Variants in APC observed in about 807,000 individuals in gnomAD.
APC encodes the protein APC regulator of Wnt signaling pathway, also known as adenomatous polyposis coli protein.
Under a neutral mutation model 247.0 loss-of-function variants are expected in APC, and 72 were observed. The ratio of observed to expected loss-of-function variants is 0.29; its 90% CI spans 0.24 to 0.35. The LOEUF is 0.35. Among genes scored for constraint, APC ranks in the 10% least tolerant of loss-of-function variants. APC has a pLI of 1.00. For synonymous variants in APC, 1,254 were observed against 1,162.5 expected, an observed-to-expected ratio of 1.08 and a Z score of -1.60; for missense variants, 3,400 against 3,360.7, an observed-to-expected ratio of 1.01 and a Z score of -0.29.
At position 112,840,578 on chromosome 5, in the gene APC, A is replaced by G. The variant is rs1434584091; in HGVS notation, c.4984A>G (p.Ile1662Val). 2 of 1,614,024 alleles carry G rather than the reference A, an allele frequency of 1.2e-6. No homozygotes were observed. Among genetic ancestry groups the G allele is most frequent in the Admixed American group, 3.3e-5 (2 of 59,986 alleles). Reference protein sequence around the residue: ...STATSLSDLTIESPPNELAAG... With the variant: ...STATSLSDLTVESPPNELAAG... ...AGCTACATCTCTAAGTGATCTAACA[A>G]TCGAATCCCCTCCAAATGAGTTAGC... Residue 1662 changes from isoleucine (I) to valine (V), a missense_variant, in exon 16 of 16, where the codon ATC (isoleucine) becomes GTC (valine). Around this residue, in one of 9 missense-constraint regions of APC, gnomAD observed 1,788 missense variants for 1,649.5 expected, o/e 1.08. Transcript: ENST00000257430. The surrounding 1 kb of genome is among the most constrained non-coding windows in gnomAD (Gnocchi z 4.1).
At chr5:112,727,351 A>C (rs370011229) in intron 1 of APC, among the ~76,000 whole-genome samples, 8 of 152,206 alleles carry the variant, frequency 5.3e-5, no homozygotes, top group African/African-American at 1.9e-4. Flanking sequence ...GCATTAGGCA[A>C]TGCCATCTGC....
chr5:112,810,941 C>G (rs563132303), intron 8 of APC, among the ~76,000 whole-genome samples: 3 of 152,280 alleles, frequency 2.0e-5, no homozygotes, highest in African/African-American at 7.2e-5. Flanking sequence ...AGGAGAATCA[C>G]TTGAACCTGG....
intron 11 of APC, among the ~76,000 whole-genome samples, chr5:112,826,600 AAC>A (rs199778283): frequency 0.076 from 9,640 of 127,230 alleles, 567 homozygotes; most frequent in African/African-American, 0.19. Flanking sequence ...AAAAAAAAAA[AAC>A]AAAACTTTTT....
chr5:112,819,187 A>G lies in APC; in HGVS notation c.1155A>G (p.Ala385=). 6.8e-6 allele frequency: 11 copies of G among 1,614,022 alleles called. No individual in the cohort carries two copies. The highest frequency in any genetic ancestry group is 1.1e-5 in the South Asian group (1 of 91,084). Residue 385 remains alanine, a synonymous_variant, in exon 10 of 16, where the codon GCA becomes GCG. Coordinates refer to ENST00000257430, the MANE Select transcript of APC (RefSeq NM_000038.6). ...AAGAGGCTCGGGCCAGGGCCAGTGC[A>G]GCACTCCACAACATCATTCACTCAC... is the stretch of plus-strand genomic sequence containing the variant. The part of the protein sequence containing the change: ...GSKEARARAS[A]ALHNIIHSQP...
chr5:112,746,503 A>G (rs143846939), intron 1 of APC, among the ~76,000 whole-genome samples: 2 of 152,332 alleles, frequency 1.3e-5, no homozygotes, highest in East Asian at 1.9e-4. Context: ...TCGTAAAAGC[A>G]TAAAACATGA....
chr5:112,752,070 T>G (rs375158847), intron 1 of APC, among the ~76,000 whole-genome samples: 34 of 152,248 alleles, frequency 2.2e-4, no homozygotes, highest in African/African-American at 6.7e-4. Context: ...TCATCTCTTT[T>G]GGGATCAGTT....
At position 112,839,795 on chromosome 5, in the gene APC, A is replaced by G. The variant is rs1554085612; in HGVS notation, c.4201A>G (p.Ile1401Val). 15 of 1,614,102 alleles carry G rather than the reference A, an allele frequency of 9.3e-6. No homozygotes were observed. Among genetic ancestry groups the G allele is most frequent in the Non-Finnish European group, 1.3e-5 (15 of 1,180,012 alleles). The change falls in exon 16 of 16, where the codon ATT becomes GTT. Residue 1401 changes from isoleucine to valine, a missense_variant. Physicochemically the swap from Ile to Val is conservative, Grantham distance 29 (BLOSUM62 3). Transcript: ENST00000257430. This position sits in a 1 kb window ranked among gnomAD's most constrained non-coding sequence, Gnocchi z 5.0. ...SSLDSFESRS[I>V]ASSVQSEPCS... ...ACTTGATAGTTTTGAGAGTCGTTCG[A>G]TTGCCAGCTCCGTTCAGAGTGAACC...
At chr5:112,785,836 T>G (rs904955770) in intron 6 of APC, among the ~76,000 whole-genome samples, 5 of 152,152 alleles carry the variant, frequency 3.3e-5, no homozygotes, top group African/African-American at 4.8e-5. Flanking sequence ...ATAGGTTGAT[T>G]AGCTATTCAA....
At chr5:112,755,239 A>C (rs1038498513) in intron 2 of APC, 2 of 311,972 alleles carry the variant, frequency 6.4e-6, no homozygotes, top group Non-Finnish European at 9.3e-6. Flanking sequence ...TAAAACTCCA[A>C]TGGCTAGTTA....
chr5:112,833,359 T>C (rs1208836663), intron 14 of APC, among the ~76,000 whole-genome samples: 1 of 151,856 alleles, frequency 6.6e-6, no homozygotes. Context: ...ATTTTTTGTA[T>C]TTTAGTAGAG....
At position 112,766,341 on chromosome 5, in the gene APC, C is replaced by G. The variant is rs1554069497; in HGVS notation, c.151C>G (p.Leu51Val). 3 of 1,606,840 alleles carry G rather than the reference C, an allele frequency of 1.9e-6. No homozygotes were observed. The highest frequency in any genetic ancestry group is 2.6e-6 in the Non-Finnish European group (3 of 1,173,612). Residue 51 changes from leucine (L) to valine (V), a missense_variant, in exon 3 of 16, where the codon CTA (leucine) becomes GTA (valine). This residue lies in a region of APC where 372 missense variants were observed against 367.6 expected (regional missense o/e 1.01). Transcript: ENST00000257430. ...TTTTTAACAGGAAGTACTTAAACAA[C>G]TACAAGGAAGTATTGAAGATGAAGC... ...ASNMKEVLKQLQGSIEDEAMA... is the reference protein window; with the variant it reads ...ASNMKEVLKQVQGSIEDEAMA...
At chr5:112,770,317 C>T (rs552862403) in intron 4 of APC, among the ~76,000 whole-genome samples, 20 of 152,086 alleles carry the variant, frequency 1.3e-4, no homozygotes, top group Non-Finnish European at 2.9e-4. Flanking sequence ...TGCAATGATC[C>T]CCATGTTTTA....
chr5:112,791,219 A>G (rs1407967658), intron 6 of APC, among the ~76,000 whole-genome samples: 2 of 152,198 alleles, frequency 1.3e-5, no homozygotes, highest in African/African-American at 2.4e-5. Context: ...TTCAATCTGT[A>G]GTTACTGCTT....
chr5:112,774,561 A>G (rs1757396187), intron 4 of APC, among the ~76,000 whole-genome samples: 2 of 150,112 alleles, frequency 1.3e-5, no homozygotes, highest in African/African-American at 4.9e-5. Flanking sequence ...CCTGGGCTCA[A>G]GTGATTCTCC....
chr5:112,732,001 A>T (rs576984090), intron 1 of APC, among the ~76,000 whole-genome samples: 1 of 152,294 alleles, frequency 6.6e-6, no homozygotes, highest in African/African-American at 2.4e-5. Context: ...GCCTCAAGTG[A>T]TCTGCCCACC....
At chr5:112,824,047 A>G (rs1273275222) in intron 11 of APC, among the ~76,000 whole-genome samples, 2 of 152,378 alleles carry the variant, frequency 1.3e-5, no homozygotes, top group South Asian at 2.1e-4. Context: ...AATAAAACAA[A>G]AGCAATATGC....
chr5:112,788,450 C>T (rs1759219186), intron 6 of APC, among the ~76,000 whole-genome samples: 1 of 152,142 alleles, frequency 6.6e-6, no homozygotes, highest in Non-Finnish European at 1.5e-5. Flanking sequence ...TGCCACTTAG[C>T]AACACCATGA....
At chr5:112,724,676 A>G (rs554959773) in intron 1 of APC, among the ~76,000 whole-genome samples, 1 of 152,142 alleles carries the variant, frequency 6.6e-6, no homozygotes, top group Non-Finnish European at 1.5e-5. Context: ...GGTCATCTAA[A>G]TTGGGTCCTG....
At chr5:112,835,420 T>C (rs1357592398) in intron 15 of APC, among the ~76,000 whole-genome samples, 1 of 152,100 alleles carries the variant, frequency 6.6e-6, no homozygotes. Context: ...GAAAAAATAG[T>C]CACAAATATT....
Sources: gnomAD v4.1 joint callset for allele counts (sites outside exome capture counted in the v4.1 genomes callset) on GRCh38, gnomAD v4.1.1 for gene constraint, gnomAD v4.1.1 regional missense constraint, Gnocchi (gnomAD v3.1) non-coding constraint, MANE v1.5 for transcripts, NCBI Gene and HGNC (gene_info 2026-07-23, HGNC 2026-07-21) for gene names.